Variants in ALDOB observed in about 807,000 individuals in gnomAD.
The protein encoded by ALDOB is aldolase, fructose-bisphosphate B, also known as fructose-bisphosphate aldolase B.
ALDOB carries 39 observed loss-of-function variants against 41.0 expected under a neutral mutation model. The ratio of observed to expected loss-of-function variants is 0.95; its 90% CI spans 0.74 to 1.24. ALDOB has a LOEUF of 1.24. Among genes scored for constraint, ALDOB ranks in the 50% most tolerant of loss-of-function variants. The pLI is 0.00. For synonymous variants in ALDOB, 175 were observed against 168.8 expected (o/e 1.04, Z -0.28); for missense variants, 530 against 457.3 (o/e 1.16, Z -1.45).
rs146252923 is a variant in ALDOB, at chr9:101,428,332, C to G, written c.379+137G>C. 141 of 797,042 alleles carry G rather than the reference C, an allele frequency of 1.8e-4. No individual in the cohort carries two copies. In the East Asian group the frequency reaches 3.0e-3, roughly 17 times the overall value. The allele number at this position is 797,042 out of a possible 1,614,324, so 49.4% of individuals were successfully genotyped here. A position where few individuals can be genotyped will look rare whatever the true frequency, so the allele number is the denominator to read the frequency against. On this transcript the variant is annotated intron_variant, in intron 4 of 8. Transcript: ENST00000647789. ...AGGTCACAGTTGTTAAATGGAGGAG[C>G]TGGTATTGAAAACCAGGTACGTGTG...
intron 8 of ALDOB, 28 bp from the exon 9 acceptor site, chr9:101,421,932 T>A: frequency 9.0e-6 from 14 of 1,556,090 alleles, no homozygotes; most frequent in Non-Finnish European, 1.2e-5. Flanking sequence ...GAGAGGAGAC[T>A]GGTTAGAGTA....
chr9:101,430,935 G>A, intron 1 of ALDOB, 38 bp from the exon 2 acceptor site: 1 of 1,442,852 alleles, frequency 6.9e-7, no homozygotes, highest in East Asian at 2.3e-5. Context: ...ACAGAACCAT[G>A]GGTGGCTCAG....
intron 8 of ALDOB, among the ~76,000 whole-genome samples, chr9:101,424,038 T>C (rs1250625406): frequency 1.3e-5 from 2 of 152,222 alleles, no homozygotes; most frequent in African/African-American, 4.8e-5. Flanking sequence ...TGAGGGTCAC[T>C]GGTATGCTCC....
intron 4 of ALDOB, 55 bp downstream of exon 4, chr9:101,428,414 G>C: frequency 6.6e-7 from 1 of 1,506,418 alleles, no homozygotes; most frequent in Non-Finnish European, 9.2e-7. Flanking sequence ...TTCTTTACTT[G>C]CCTTCATTTC....
chr9:101,422,279 T>C (rs79479205), intron 8 of ALDOB, among the ~76,000 whole-genome samples: 4,081 of 152,348 alleles, frequency 0.027, 196 homozygotes, highest in African/African-American at 0.093. Context: ...TATATTGGTC[T>C]AGAAGAATAT....
At chr9:101,432,783 C>T (rs948396551) in intron 1 of ALDOB, among the ~76,000 whole-genome samples, 1 of 152,126 alleles carries the variant, frequency 6.6e-6, no homozygotes, top group Non-Finnish European at 1.5e-5. Flanking sequence ...AGATAAGGGG[C>T]AGTACTCCTT....
At chr9:101,433,676 T>C (rs986526343) in intron 1 of ALDOB, among the ~76,000 whole-genome samples, 3 of 152,230 alleles carry the variant, frequency 2.0e-5, no homozygotes, top group African/African-American at 7.2e-5. Flanking sequence ...CATACTGTTT[T>C]TGTGTCTATA....
At chr9:101,429,689 C>T in intron 3 of ALDOB, 66 bp downstream of exon 3, 1 of 1,445,060 alleles carries the variant, frequency 6.9e-7, no homozygotes, top group Non-Finnish European at 9.7e-7. Context: ...TTGGCCCTGT[C>T]CTTGCCAGTG....
chr9:101,424,616 A>C (rs1831095790), intron 8 of ALDOB, among the ~76,000 whole-genome samples: 1 of 152,150 alleles, frequency 6.6e-6, no homozygotes, highest in Non-Finnish European at 1.5e-5. Context: ...GTTTCTGTTG[A>C]AATTGTCCTT....
In ALDOB at chr9:101,425,565, T is replaced by C. The variant is rs1588170486; in HGVS notation, c.687A>G (p.Leu229=). 6.2e-7 allele frequency: 1 copy of C among 1,614,156 alleles called. No individual in the cohort carries two copies. Among genetic ancestry groups the C allele is most frequent in the South Asian group, 1.1e-5 (1 of 91,082 alleles). ...DHHVYLEGTL[L]KPNMVTAGHA... ...GTCCAGCAGTCACCATGTTGGGCTT[T>C]AGCAGGGTGCCCTCCAGGTAAACAT... The change falls in exon 7 of 9, where the codon CTA becomes CTG. Residue 229 remains leucine, a synonymous_variant. Coordinates refer to ENST00000647789, the MANE Select transcript of ALDOB (RefSeq NM_000035.4).
At chr9:101,423,334 C>T (rs908442238) in intron 8 of ALDOB, among the ~76,000 whole-genome samples, 1 of 152,156 alleles carries the variant, frequency 6.6e-6, no homozygotes, top group African/African-American at 2.4e-5. Flanking sequence ...CACTCTTCTA[C>T]CCCGCTATTT....
chr9:101,427,434 A>G, intron 5 of ALDOB, 48 bp downstream of exon 5: 4 of 1,609,378 alleles, frequency 2.5e-6, no homozygotes, highest in Middle Eastern at 1.7e-4. Context: ...AAAGCTCTGA[A>G]GAAAACTCTA....
chr9:101,425,327 G>T, intron 7 of ALDOB, 126 bp downstream of exon 7: 1 of 1,171,362 alleles, frequency 8.5e-7, no homozygotes, highest in Non-Finnish European at 1.2e-6. Flanking sequence ...AAGAAGTGCT[G>T]GCTGCCTGTG....
At position 101,425,560 on chromosome 9, in the gene ALDOB, G is replaced by A. The variant is rs1831115993; in HGVS notation, c.692C>T (p.Pro231Leu). The stretch of plus-strand genomic sequence containing the variant: ...GGCATGTCCAGCAGTCACCATGTTG[G>A]GCTTTAGCAGGGTGCCCTCCAGGTA... Reference protein sequence around the residue: ...HVYLEGTLLKPNMVTAGHACT... With the variant: ...HVYLEGTLLKLNMVTAGHACT... Residue 231 changes from proline (P) to leucine (L), a missense_variant, in exon 7 of 9, where the codon CCC becomes CTC. Pro to Leu is a moderately conservative substitution (Grantham distance 98, BLOSUM62 -3). Coordinates refer to ENST00000647789, the MANE Select transcript of ALDOB (RefSeq NM_000035.4). 1.2e-6 allele frequency: 2 copies of A among 1,614,038 alleles called. No individual in the cohort carries two copies. The highest frequency in any genetic ancestry group is 1.7e-5 in the Admixed American group (1 of 60,004).
intron 1 of ALDOB, among the ~76,000 whole-genome samples, chr9:101,432,723 G>C (rs568155906): frequency 2.3e-4 from 35 of 152,250 alleles, no homozygotes; most frequent in African/African-American, 8.4e-4. Flanking sequence ...GAATATAAGA[G>C]AGTGTAAATT....
At chr9:101,434,344 C>G (rs924129682) in intron 1 of ALDOB, among the ~76,000 whole-genome samples, 9 of 152,182 alleles carry the variant, frequency 5.9e-5, no homozygotes, top group Admixed American at 3.9e-4. Context: ...AATTCTATTT[C>G]TAATCCTTCA....
chr9:101,426,674 G>A, intron 5 of ALDOB, 36 bp from the exon 6 acceptor site: 1 of 1,257,212 alleles, frequency 8.0e-7, no homozygotes, highest in Non-Finnish European at 1.2e-6. Context: ...AAGTGAAGCT[G>A]TGCTCACTGT....
intron 4 of ALDOB, 36 bp downstream of exon 4, chr9:101,428,433 A>G (rs1268273558): frequency 3.8e-6 from 6 of 1,592,724 alleles, no homozygotes; most frequent in African/African-American, 1.3e-5. Flanking sequence ...TCTAGCTTAC[A>G]CTGGCATGAT....
Position 101,430,884 on chromosome 9 carries a change from C to A in ALDOB, c.4G>T (p.Ala2Ser). M[A>S]HRFPALTQEQ... is the part of the protein sequence containing the mutation. Reference sequence around the variant, plus strand: ...TGGGTGAGGGCTGGAAATCGGTGGGCCATGGTGACAGGTCTGGAAAAGAGT... The same window carrying A: ...TGGGTGAGGGCTGGAAATCGGTGGGACATGGTGACAGGTCTGGAAAAGAGT... The change falls in exon 2 of 9, where the codon GCC becomes TCC. Residue 2 changes from alanine to serine, a missense_variant. Coordinates refer to ENST00000647789, the MANE Select transcript of ALDOB (RefSeq NM_000035.4). 6.2e-7 allele frequency: 1 copy of A among 1,612,754 alleles called. No individual in the cohort carries two copies. The highest frequency in any genetic ancestry group is 1.1e-5 in the South Asian group (1 of 91,040).
Sources: gnomAD v4.1 joint callset for allele counts (sites outside exome capture counted in the v4.1 genomes callset) on GRCh38, gnomAD v4.1.1 for gene constraint, MANE v1.5 for transcripts, NCBI Gene and HGNC (gene_info 2026-07-23, HGNC 2026-07-21) for gene names.